The following WARS2 variants were observed in gnomAD, a reference collection of about 807,000 sequenced individuals.
The protein encoded by WARS2 is tryptophanyl tRNA synthetase 2, mitochondrial.
WARS2 carries 28 observed loss-of-function variants against 36.5 expected under a neutral mutation model. The observed-to-expected ratio is 0.77, with a 90% CI of 0.57 to 1.05. WARS2 has a LOEUF of 1.05. Ranked by LOEUF, WARS2 falls within the 50% of genes least tolerant of loss-of-function variation. The pLI is 0.00. For missense variants in WARS2, 435 were observed against 456.8 expected (o/e 0.95, Z 0.44); for synonymous variants, 174 against 178.4 (o/e 0.98, Z 0.20).
At chr1:119,076,662 T>TA in intron 1 of WARS2, 55 bp from the exon 2 acceptor site, 1 of 1,601,172 alleles carries the variant, frequency 6.2e-7, no homozygotes, top group Non-Finnish European at 8.5e-7. Context: ...CCATGAATCC[T>TA]ATGCCCATGT....
intron 1 of WARS2, among the ~76,000 whole-genome samples, chr1:119,078,313 G>C (rs1651897603): frequency 6.6e-6 from 1 of 152,120 alleles, no homozygotes; most frequent in South Asian, 2.1e-4. Context: ...TATTATACAG[G>C]TATCTTAATG....
chr1:119,080,553 C>T (rs587730863), intron 1 of WARS2, among the ~76,000 whole-genome samples: 5 of 152,112 alleles, frequency 3.3e-5, no homozygotes, highest in African/African-American at 9.6e-5. Context: ...ATTTTCAAGG[C>T]GCTGTTAAAA....
chr1:119,093,233 G>A (rs968067013), intron 1 of WARS2, among the ~76,000 whole-genome samples: 1 of 151,848 alleles, frequency 6.6e-6, no homozygotes, highest in African/African-American at 2.4e-5. Flanking sequence ...ATTTTTCATT[G>A]ATTATCCTAA....
chr1:119,057,090 G>GT (rs1649883263), intron 2 of WARS2, among the ~76,000 whole-genome samples: 1 of 151,602 alleles, frequency 6.6e-6, no homozygotes, highest in South Asian at 2.1e-4. Flanking sequence ...TCTTACTATG[G>GT]TTTTTTTTCT....
rs189367387 is a variant in WARS2, at chr1:119,108,533, C to G, written c.91-31926G>C. Reference sequence around the variant, plus strand: ...TGTCTGTGGGATCCATAGTAATATTCCTTCTTTCATTTATGATATAAGTAA... The same window carrying G: ...TGTCTGTGGGATCCATAGTAATATTGCTTCTTTCATTTATGATATAAGTAA... On this transcript the variant is annotated intron_variant, in intron 1 of 5. Coordinates refer to ENST00000235521, the MANE Select transcript of WARS2 (RefSeq NM_015836.4). Among the ~76,000 whole-genome samples, 15 of 130,214 alleles carry G rather than the reference C, an allele frequency of 1.2e-4. No homozygotes were observed. In the East Asian group the frequency reaches 6.4e-3, roughly 55 times the overall value. The allele number at this position is 130,214 out of a possible 152,430, so 85.4% of individuals were successfully genotyped here.
At chr1:119,037,779 G>A (rs767392817) in intron 4 of WARS2, among the ~76,000 whole-genome samples, 7 of 152,054 alleles carry the variant, frequency 4.6e-5, no homozygotes, top group South Asian at 2.1e-4. Flanking sequence ...CAGAAATATC[G>A]GGTCATCCCT....
At chr1:119,126,831 A>G in intron 1 of WARS2, 1 of 753,328 alleles carries the variant, frequency 1.3e-6, no homozygotes, top group Non-Finnish European at 2.4e-6. Flanking sequence ...GATTTCCATC[A>G]TCTTCTTCCA....
intron 4 of WARS2, among the ~76,000 whole-genome samples, 188 bp from the exon 5 acceptor site, chr1:119,034,401 C>A (rs1302390920): frequency 1.3e-5 from 2 of 152,188 alleles, no homozygotes; most frequent in East Asian, 3.8e-4. Context: ...AGAGATGTTT[C>A]TCTACTCTAG....
At chr1:119,103,278 C>T (rs148986666) in intron 1 of WARS2, among the ~76,000 whole-genome samples, 2,570 of 152,194 alleles carry the variant, frequency 0.017, 27 homozygotes, top group South Asian at 0.051. Context: ...TATAAGCCTA[C>T]GCTAGGGCCA....
Position 119,042,308 on chromosome 1 carries a change from C to G in WARS2, c.471G>C (p.Leu157=). Residue 157 remains leucine, a synonymous_variant, in exon 4 of 6, where the codon CTG becomes CTC. Transcript: ENST00000235521. ...TKQKHDGTVG[L]LTYPVLQAAD... The stretch of plus-strand genomic sequence containing the variant: ...CTGCCTGGAGTACTGGGTATGTGAG[C>G]AGGCCCACCGTGCCATCGTGCTTCT... 6.2e-7 allele frequency: 1 copy of G among 1,613,766 alleles called. No homozygotes were observed. The highest frequency in any genetic ancestry group is 1.3e-5 in the African/African-American group (1 of 74,952).
At position 119,076,468 on chromosome 1, in the gene WARS2, T is replaced by C. The variant is rs774688679; in HGVS notation, c.230A>G (p.His77Arg). The C allele has an allele frequency of 6.2e-7, 1 of 1,613,854 alleles. No individual in the cohort carries two copies. The highest frequency in any genetic ancestry group is 1.3e-5 in the African/African-American group (1 of 74,840). The change falls in exon 2 of 6, where the codon CAC (histidine) becomes CGC (arginine). Residue 77 changes from histidine (H) to arginine (R), a missense_variant. His to Arg is a conservative substitution (Grantham distance 29). Coordinates refer to ENST00000235521, the MANE Select transcript of WARS2 (RefSeq NM_015836.4). ...DSVLYSIVDL[H>R]SITVPQDPAV... is the part of the protein sequence containing the mutation. ...TGGGTCTTGGGGGACAGTAATGGAGTGGAGGTCAACAATGCTGTATAATAC... is the reference window on the plus strand; with the variant it reads ...TGGGTCTTGGGGGACAGTAATGGAGCGGAGGTCAACAATGCTGTATAATAC...
intron 1 of WARS2, chr1:119,139,747 T>C (rs3936018): frequency 0.21 from 32,117 of 152,160 alleles, 3,617 homozygotes; most frequent in Middle Eastern, 0.27. Flanking sequence ...TCCCAGAATA[T>C]ATCTCCCGTA....
intron 1 of WARS2, chr1:119,126,479 A>ATT (rs35511707): frequency 1.6e-4 from 53 of 341,234 alleles, no homozygotes; most frequent in Middle Eastern, 9.1e-4. Context: ...GGTAGATACT[A>ATT]TTTTTTTTTT....
At chr1:119,054,478 A>G (rs1005394244) in intron 2 of WARS2, among the ~76,000 whole-genome samples, 13 of 152,180 alleles carry the variant, frequency 8.5e-5, no homozygotes, top group African/African-American at 2.7e-4. Flanking sequence ...TGCAGCTGCT[A>G]TGGAAAATAG....
intron 4 of WARS2, among the ~76,000 whole-genome samples, chr1:119,040,576 A>G (rs1648265714): frequency 6.6e-6 from 1 of 152,284 alleles, no homozygotes; most frequent in African/African-American, 2.4e-5. Context: ...CCTTCCAAGT[A>G]GTTGGAACTT....
intron 2 of WARS2, chr1:119,063,417 G>A (rs1396095416): frequency 1.3e-5 from 2 of 152,156 alleles, no homozygotes; most frequent in Admixed American, 6.5e-5. Flanking sequence ...ATTTTCTGGG[G>A]AGAAATTCAA....
At chr1:119,124,974 G>C (rs1655554674) in intron 1 of WARS2, among the ~76,000 whole-genome samples, 1 of 152,200 alleles carries the variant, frequency 6.6e-6, no homozygotes, top group African/African-American at 2.4e-5. Context: ...TGTGTGACAA[G>C]TTACTTAACA....
chr1:119,034,392 G>A (rs1184406012), intron 4 of WARS2, among the ~76,000 whole-genome samples, 179 bp from the exon 5 acceptor site: 2 of 152,206 alleles, frequency 1.3e-5, no homozygotes, highest in African/African-American at 4.8e-5. Context: ...AAAAGCCAAA[G>A]AGATGTTTCT....
chr1:119,073,546 A>T (rs993865741), intron 2 of WARS2, among the ~76,000 whole-genome samples: 1 of 152,196 alleles, frequency 6.6e-6, no homozygotes, highest in Non-Finnish European at 1.5e-5. Context: ...GAAGTGAGGG[A>T]TGGCAGGAGG....
Sources: allele counts gnomAD v4.1 joint callset (sites outside exome capture counted in the v4.1 genomes callset), GRCh38; gene constraint gnomAD v4.1.1; transcripts MANE v1.5; gene names NCBI Gene and HGNC (gene_info 2026-07-23, HGNC 2026-07-21).